The following KMT2D variants were observed in gnomAD, a reference collection of about 807,000 sequenced individuals.
The protein encoded by KMT2D is histone-lysine N-methyltransferase 2D.
A neutral mutation model predicts 512.7 loss-of-function variants in KMT2D; 55 were observed. The observed-to-expected ratio is 0.11, with a 90% CI of 0.09 to 0.13. KMT2D has a LOEUF of 0.13. Among genes scored for constraint, KMT2D ranks in the 10% least tolerant of loss-of-function variants. The pLI, the probability that KMT2D is intolerant of heterozygous loss-of-function variation, is 1.00. For synonymous variants in KMT2D, 2,995 were observed against 2,904.0 expected (o/e 1.03, Z -1.01); for missense variants, 6,061 against 7,127.9 (o/e 0.85, Z 5.39).
rs758645591 is a variant in KMT2D at position 49,042,340 on chromosome 12, A to G, written c.5868-10T>C. ...GAAGCCCCCGCGCTCCCTGGGGCGC[A>G]GGGGCAGAGAGTCACAGGGCGCAGG... On this transcript the variant is annotated splice_polypyrimidine_tract_variant and intron_variant, in intron 28 of 54. Transcript: ENST00000301067. This position sits in a 1 kb window ranked among gnomAD's most constrained non-coding sequence, Gnocchi z 4.4. The G allele has an allele frequency of 2.2e-5, 33 of 1,514,052 alleles. No individual in the cohort carries two copies. Among genetic ancestry groups the G allele is most frequent in the Non-Finnish European group, 2.7e-5 (31 of 1,130,792 alleles). The allele number at this position is 1,514,052 out of a possible 1,614,324, so 93.8% of individuals were successfully genotyped here.
Position 49,044,609 on chromosome 12 carries a change from C to T in KMT2D, c.4964-87G>A. On this transcript the variant is annotated intron_variant, in intron 20 of 54. Transcript: ENST00000301067. The surrounding 1 kb of genome is among the most constrained non-coding windows in gnomAD (Gnocchi z 6.4). Reference sequence around the variant, plus strand: ...ATCCTGCCACTGAGAGAGCTGAATACCTTGCCTCAGAGCCACTTAGACGAG... The same window carrying T: ...ATCCTGCCACTGAGAGAGCTGAATATCTTGCCTCAGAGCCACTTAGACGAG... 1.9e-6 allele frequency: 3 copies of T among 1,573,064 alleles called. No homozygotes were observed. The highest frequency in any genetic ancestry group is 2.6e-6 in the Non-Finnish European group (3 of 1,157,378).
At position 49,024,911 on chromosome 12, in the gene KMT2D, T is replaced by C; in HGVS notation, c.15820A>G (p.Met5274Val). 1.9e-6 allele frequency: 3 copies of C among 1,599,480 alleles called. No homozygotes were observed. The highest frequency in any genetic ancestry group is 2.6e-6 in the Non-Finnish European group (3 of 1,173,256). ...CGCAGCATGTCAGCCTCTTTTCTCA[T>C]GGCAGCCACAGGCTCAATGATGCGA... is the stretch of plus-strand genomic sequence containing the variant. Reference protein sequence around the residue: ...WNRIIEPVAAMRKEADMLRLF... With the variant: ...WNRIIEPVAAVRKEADMLRLF... Residue 5274 changes from methionine to valine, a missense_variant, in exon 50 of 55, where the codon ATG becomes GTG. Physicochemically the swap from Met to Val is conservative, Grantham distance 21. Transcript: ENST00000301067. The surrounding 1 kb of genome is among the most constrained non-coding windows in gnomAD (Gnocchi z 4.5).
chr12:49,052,228 C>T lies in KMT2D; in HGVS notation c.1455G>A (p.Leu485=), dbSNP rs2120683478. Residue 485 remains leucine (L), a synonymous_variant, in exon 11 of 55, where the codon CTG becomes CTA. Transcript: ENST00000301067. ...PASPLPEALH[L]SRPLEESPLS... ...GGGGCGATTCCTCCAGCGGCCGGGA[C>T]AGGTGCAATGCCTCAGGAAGTGGGG... 2 of 1,612,624 alleles carry T rather than the reference C, an allele frequency of 1.2e-6. No homozygotes were observed. Among genetic ancestry groups the T allele is most frequent in the Non-Finnish European group, 1.7e-6 (2 of 1,179,506 alleles).
Position 49,024,468 on chromosome 12 carries a change from C to G in KMT2D, c.16052+110G>C. 1 of 1,403,080 alleles carries G rather than the reference C, an allele frequency of 7.1e-7. No homozygotes were observed. 86.9% of individuals were successfully genotyped at this position (1,403,080 alleles called of 1,614,324 possible). A position where few individuals can be genotyped will look rare whatever the true frequency, so the allele number is the denominator to read the frequency against. ...ATTAGGAAGTCTAAGAGTGATTCCCCATTTTCTCCACGGGAACTCTGATCT... is the reference window on the plus strand; with the variant it reads ...ATTAGGAAGTCTAAGAGTGATTCCCGATTTTCTCCACGGGAACTCTGATCT... On this transcript the variant is annotated intron_variant, in intron 51 of 54. Coordinates refer to ENST00000301067, the MANE Select transcript of KMT2D (RefSeq NM_003482.4). The surrounding 1 kb of genome is among the most constrained non-coding windows in gnomAD (Gnocchi z 4.5).
At chr12:49,030,129 T>TC in intron 43 of KMT2D, 151 bp downstream of exon 43, 3 of 628,578 alleles carry the variant, frequency 4.8e-6, no homozygotes, top group Non-Finnish European at 8.3e-6. Context: ...AAGAAATCAG[T>TC]CCTGAAAGGG....
intron 6 of KMT2D, 107 bp from the exon 7 acceptor site, chr12:49,053,748 A>G: frequency 7.5e-7 from 1 of 1,324,828 alleles, no homozygotes; most frequent in Non-Finnish European, 1.0e-6. Flanking sequence ...AACAAACAAC[A>G]AAGTTACTGA....
chr12:49,044,620 A>G lies in KMT2D; in HGVS notation c.4964-98T>C. Reference sequence around the variant, plus strand: ...GAGAGAGCTGAATACCTTGCCTCAGAGCCACTTAGACGAGACAGCAGTGCT... The same window carrying G: ...GAGAGAGCTGAATACCTTGCCTCAGGGCCACTTAGACGAGACAGCAGTGCT... On this transcript the variant is annotated intron_variant, in intron 20 of 54. Coordinates refer to ENST00000301067, the MANE Select transcript of KMT2D (RefSeq NM_003482.4). This position sits in a 1 kb window ranked among gnomAD's most constrained non-coding sequence, Gnocchi z 6.4. 1.3e-6 allele frequency: 2 copies of G among 1,563,968 alleles called. No individual in the cohort carries two copies. Among genetic ancestry groups the G allele is most frequent in the Non-Finnish European group, 1.7e-6 (2 of 1,150,874 alleles).
In KMT2D at chr12:49,029,553, C is replaced by T. The variant is rs1347162602; in HGVS notation, c.14000-77G>A. The T allele has an allele frequency of 7.4e-6, 8 of 1,077,142 alleles. No individual in the cohort carries two copies. The East Asian group carries it at 1.0e-4, about 14-fold the overall frequency. The allele number at this position is 1,077,142 out of a possible 1,614,324, so 66.7% of individuals were successfully genotyped here. On this transcript the variant is annotated intron_variant, in intron 43 of 54. Transcript: ENST00000301067. ...TGGTACCTTCTCCCAATATTTTAGGCCTAATTAGCATGAGATCTCAGCTAT... is the reference window on the plus strand; with the variant it reads ...TGGTACCTTCTCCCAATATTTTAGGTCTAATTAGCATGAGATCTCAGCTAT...
Position 49,060,177 on chromosome 12 carries a change from G to C in KMT2D, c.-602C>G, listed in dbSNP as rs911168537. Among the ~76,000 whole-genome samples the C allele has an allele frequency of 6.6e-6, 1 of 151,656 alleles. No homozygotes were observed. Among genetic ancestry groups the C allele is most frequent in the African/African-American group, 2.4e-5 (1 of 41,352 alleles). On this transcript the variant is annotated 5_prime_UTR_variant, in exon 1 of 55. Coordinates refer to ENST00000301067, the MANE Select transcript of KMT2D (RefSeq NM_003482.4). ...ACGGCGACGCGGGGCCGGCGGGGCC[G>C]CGGGGCTGAACCTGACACACACCCA...
Position 49,052,725 on chromosome 12 carries a change from G to T in KMT2D, c.1113-16C>A. On this transcript the variant is annotated splice_polypyrimidine_tract_variant and intron_variant, in intron 9 of 54. Transcript: ENST00000301067. Reference sequence around the variant, plus strand: ...GGGTGAAAATCTGCAGAGGGTACAGGGGAGCAGGCACTGTGGCTCTCACCA... The same window carrying T: ...GGGTGAAAATCTGCAGAGGGTACAGTGGAGCAGGCACTGTGGCTCTCACCA... 3.1e-6 allele frequency: 5 copies of T among 1,611,004 alleles called. No individual in the cohort carries two copies. Among genetic ancestry groups the T allele is most frequent in the Non-Finnish European group, 4.2e-6 (5 of 1,177,566 alleles).
At position 49,037,946 on chromosome 12, in the gene KMT2D, G is replaced by T; in HGVS notation, c.9410C>A (p.Ala3137Asp). The T allele has an allele frequency of 6.2e-7, 1 of 1,604,018 alleles. No homozygotes were observed. ...AGGTGCGGGCTCTACCTTGGGGGTA[G>T]CAATGGTGAATTGGCAAGGAGAAGG... ...RHPSPCQFTI[A>D]TPKVEPAPAA... The change falls in exon 35 of 55, where the codon GCT becomes GAT. Residue 3137 changes from alanine (A) to aspartate (D), a missense_variant. This residue lies in a region of KMT2D where 533 missense variants were observed against 539.6 expected (regional missense o/e 0.99). Transcript: ENST00000301067.
Position 49,040,442 on chromosome 12 carries a change from C to T in KMT2D, c.7328G>A (p.Arg2443His), listed in dbSNP as rs780776865. ...AGAATAAGGGTCAGGGGACTGGAAG[C>T]GAGGGGTAACGGGTGATGGGCAAAA... is the stretch of plus-strand genomic sequence containing the variant. ...EAFCPSPVTPRFQSPDPYSRP... is the reference protein window; with the variant it reads ...EAFCPSPVTPHFQSPDPYSRP... Residue 2443 changes from arginine (R) to histidine (H), a missense_variant, in exon 32 of 55, where the codon CGC (arginine) becomes CAC (histidine). Arg to His is a conservative substitution (Grantham distance 29, BLOSUM62 0). Coordinates refer to ENST00000301067, the MANE Select transcript of KMT2D (RefSeq NM_003482.4). 26 of 1,557,400 alleles carry T rather than the reference C, an allele frequency of 1.7e-5. No homozygotes were observed. In the Middle Eastern group the frequency reaches 6.9e-4, roughly 41 times the overall value.
At position 49,032,630 on chromosome 12, in the gene KMT2D, T is replaced by C. The variant is rs1424174832; in HGVS notation, c.12075A>G (p.Glu4025=). ...LGPTLLLTGK[E]QNTVDPAVSS... ...AAACGGCTGGGTCTACGGTGTTTTG[T>C]TCCTTGCCCGTCAGGAGGAGGGTTG... Residue 4025 remains glutamate (E), a synonymous_variant, in exon 40 of 55, where the codon GAA becomes GAG. Transcript: ENST00000301067. The C allele has an allele frequency of 3.1e-6, 5 of 1,613,958 alleles. No individual in the cohort carries two copies. Among genetic ancestry groups the C allele is most frequent in the Non-Finnish European group, 3.4e-6 (4 of 1,179,868 alleles).
chr12:49,027,711 C>A, intron 48 of KMT2D, 92 bp downstream of exon 48: 1 of 1,488,452 alleles, frequency 6.7e-7, no homozygotes, highest in Non-Finnish European at 9.1e-7. Context: ...CGCCTTGCCT[C>A]CCAAAGCACT....
chr12:49,031,108 C>T (rs1942884903), intron 40 of KMT2D, 67 bp downstream of exon 40: 1 of 1,610,898 alleles, frequency 6.2e-7, no homozygotes, highest in Non-Finnish European at 8.5e-7. Flanking sequence ...GACCCAGGCT[C>T]ACTCATTCTG....
In KMT2D at chr12:49,046,528, G is replaced by C. The variant is rs553542086; in HGVS notation, c.4418+81C>G. On this transcript the variant is annotated intron_variant, in intron 16 of 54. Transcript: ENST00000301067. This position sits in a 1 kb window ranked among gnomAD's most constrained non-coding sequence, Gnocchi z 4.2. ...CCACCAGCCTGGCCTCCTAAACCCA[G>C]CCTCTGTCACATACTCAACATCATA... is the stretch of plus-strand genomic sequence containing the variant. 1 of 1,574,660 alleles carries C rather than the reference G, an allele frequency of 6.4e-7. No individual in the cohort carries two copies. Among genetic ancestry groups the C allele is most frequent in the East Asian group, 2.2e-5 (1 of 44,490 alleles).
At position 49,042,226 on chromosome 12, in the gene KMT2D, C is replaced by T; in HGVS notation, c.5972G>A (p.Gly1991Asp). 1 of 1,597,162 alleles carries T rather than the reference C, an allele frequency of 6.3e-7. No individual in the cohort carries two copies. The highest frequency in any genetic ancestry group is 8.5e-7 in the Non-Finnish European group (1 of 1,172,178). Residue 1991 changes from glycine (G) to aspartate (D), a missense_variant, in exon 29 of 55, where the codon GGT becomes GAT. Transcript: ENST00000301067. The surrounding 1 kb of genome is among the most constrained non-coding windows in gnomAD (Gnocchi z 4.4). Reference sequence around the variant, plus strand: ...GTTATAGGAGAGTCCGTCGCCCTCACCCTCCGTGGTGGGGGTTGTGGGGGT... The same window carrying T: ...GTTATAGGAGAGTCCGTCGCCCTCATCCTCCGTGGTGGGGGTTGTGGGGGT... ...PSTPTTPTTE[G>D]EGDGLSYNQR...
Position 49,052,119 on chromosome 12 carries a change from G to A in KMT2D, c.1564C>T (p.Pro522Ser), listed in dbSNP as rs2120681383. The change falls in exon 11 of 55, where the codon CCA becomes TCA. Residue 522 changes from proline to serine, a missense_variant. Coordinates refer to ENST00000301067, the MANE Select transcript of KMT2D (RefSeq NM_003482.4). ...FSPLEESPLS[P>S]PEESPPSPAL... ...GGAGATGGGGGTGACTCTTCCGGTG[G>A]AGACAAGGGCGACTCCTCCAGTGGA... 6.2e-7 allele frequency: 1 copy of A among 1,613,174 alleles called. No homozygotes were observed. The highest frequency in any genetic ancestry group is 8.5e-7 in the Non-Finnish European group (1 of 1,179,604).
rs2120359864 is a variant in KMT2D at position 49,026,536 on chromosome 12, G to C, written c.15430C>G (p.Gln5144Glu). The C allele has an allele frequency of 6.2e-7, 1 of 1,613,970 alleles. No individual in the cohort carries two copies. Among genetic ancestry groups the C allele is most frequent in the Non-Finnish European group, 8.5e-7 (1 of 1,179,902 alleles). The change falls in exon 49 of 55, where the codon CAA becomes GAA. Residue 5144 changes from glutamine (Q) to glutamate (E), a missense_variant. Gln to Glu is a conservative substitution (Grantham distance 29, BLOSUM62 2). This residue lies in a region of KMT2D where 261 missense variants were observed against 440.7 expected (regional missense o/e 0.59). Transcript: ENST00000301067. The surrounding 1 kb of genome is among the most constrained non-coding windows in gnomAD (Gnocchi z 9.6). Reference sequence around the variant, plus strand: ...AAGACAGCAAAAGAGCTCAGCTCTTGCTCACAGGGCCCCTTGATCTTATGC... The same window carrying C: ...AAGACAGCAAAAGAGCTCAGCTCTTCCTCACAGGGCCCCTTGATCTTATGC... ...PMHKIKGPCE[Q>E]ELSSFAVFRR...
Sources: gnomAD v4.1 joint callset for allele counts (sites outside exome capture counted in the v4.1 genomes callset) on GRCh38, gnomAD v4.1.1 for gene constraint, gnomAD v4.1.1 regional missense constraint, Gnocchi (gnomAD v3.1) non-coding constraint, MANE v1.5 for transcripts, NCBI Gene and HGNC (gene_info 2026-07-23, HGNC 2026-07-21) for gene names.